Variants in ANKFN1 observed in about 807,000 individuals in gnomAD.
The protein encoded by ANKFN1 is ankyrin repeat and fibronectin type-III domain-containing protein 1.
A neutral mutation model predicts 108.7 loss-of-function variants in ANKFN1; 74 were observed. The observed-to-expected ratio is 0.68, with a 90% CI of 0.56 to 0.83. The LOEUF is 0.83. ANKFN1 is among the 40% of genes least tolerant of loss of function. ANKFN1 has a pLI of 0.00. For synonymous variants in ANKFN1, 547 were observed against 516.2 expected (o/e 1.06, Z -0.81); for missense variants, 1,505 against 1,382.3 (o/e 1.09, Z -1.41).
chr17:56,338,418 T>C (rs1488115786), intron 4 of ANKFN1, among the ~76,000 whole-genome samples: 1 of 152,002 alleles, frequency 6.6e-6, no homozygotes, highest in Non-Finnish European at 1.5e-5. Context: ...AACCTGTACA[T>C]TGTGCACATG....
At chr17:56,142,408 T>A (rs1379629859) in intron 4 of ANKFN1, among the ~76,000 whole-genome samples, 1 of 152,052 alleles carries the variant, frequency 6.6e-6, no homozygotes, top group South Asian at 2.1e-4. Context: ...CCATGAAGAG[T>A]AAATCATTCC....
intron 1 of ANKFN1, among the ~76,000 whole-genome samples, chr17:56,210,334 C>T (rs1307268710): frequency 2.0e-5 from 3 of 152,246 alleles, no homozygotes; most frequent in South Asian, 4.2e-4. Context: ...ATGGTGATTG[C>T]ACTAATTTAC....
intron 1 of ANKFN1, among the ~76,000 whole-genome samples, chr17:56,178,332 G>A (rs753371216): frequency 2.6e-5 from 4 of 152,118 alleles, no homozygotes; most frequent in South Asian, 2.1e-4. Flanking sequence ...AATATGCCCC[G>A]CTATAAATCA....
chr17:56,377,075 A>G (rs1483720207), intron 8 of ANKFN1, among the ~76,000 whole-genome samples: 1 of 152,260 alleles, frequency 6.6e-6, no homozygotes, highest in African/African-American at 2.4e-5. Flanking sequence ...CTAATTGGTT[A>G]GAGGGAAAGT....
At chr17:56,305,975 G>A (rs1301766933) in intron 3 of ANKFN1, among the ~76,000 whole-genome samples, 1 of 152,070 alleles carries the variant, frequency 6.6e-6, no homozygotes, top group Admixed American at 6.5e-5. Flanking sequence ...ATTAGTATGG[G>A]TTAGTTTCTG....
intron 17 of ANKFN1, 32 bp from the exon 18 acceptor site, chr17:56,482,321 TCTC>T (rs1178357348): frequency 1.3e-6 from 2 of 1,533,758 alleles, no homozygotes; most frequent in South Asian, 2.6e-5. Flanking sequence ...ATGTTGTAAC[TCTC>T]CTATTTTTCC....
chr17:56,426,929 G>A (rs1252913858), intron 8 of ANKFN1, among the ~76,000 whole-genome samples: 2 of 152,198 alleles, frequency 1.3e-5, no homozygotes, highest in African/African-American at 2.4e-5. Flanking sequence ...GAAGCTTCTT[G>A]ACTTGATGGG....
At chr17:56,066,645 A>G (rs1365362951) in intron 4 of ANKFN1, among the ~76,000 whole-genome samples, 3 of 152,130 alleles carry the variant, frequency 2.0e-5, no homozygotes, top group Non-Finnish European at 2.9e-5. Context: ...TTAAGGTTCA[A>G]TAGTGTTAAG....
chr17:56,330,219 A>G (rs897470854), intron 4 of ANKFN1, among the ~76,000 whole-genome samples: 9 of 82,536 alleles, frequency 1.1e-4, no homozygotes, highest in Non-Finnish European at 2.8e-4. Flanking sequence ...ACAGTTCCAC[A>G]TGGCTGTGGA....
intron 4 of ANKFN1, among the ~76,000 whole-genome samples, chr17:56,331,375 C>T (rs1213775178): frequency 6.6e-6 from 1 of 152,180 alleles, no homozygotes; most frequent in African/African-American, 2.4e-5. Context: ...ATGGTTAGAA[C>T]TCCTATTTTG....
chr17:56,298,495 A>G (rs994313422), intron 3 of ANKFN1, among the ~76,000 whole-genome samples: 3 of 152,186 alleles, frequency 2.0e-5, no homozygotes, highest in Admixed American at 6.5e-5. Context: ...TTTCTTACAA[A>G]TCAACTTCCC....
At chr17:56,226,695 G>A (rs10491199) in intron 2 of ANKFN1, among the ~76,000 whole-genome samples, 31,411 of 151,944 alleles carry the variant, frequency 0.21, 3,362 homozygotes, top group African/African-American at 0.24. Flanking sequence ...CCTTCTGATA[G>A]TAATAATAAC....
chr17:56,361,285 C>T (rs568111442), intron 6 of ANKFN1, among the ~76,000 whole-genome samples: 49 of 152,214 alleles, frequency 3.2e-4, no homozygotes, highest in Non-Finnish European at 5.1e-4. Flanking sequence ...CTAATCCCCA[C>T]GTGCACACAC....
intron 1 of ANKFN1, among the ~76,000 whole-genome samples, chr17:56,181,932 CT>C (rs1911715306): frequency 6.6e-6 from 1 of 152,052 alleles, no homozygotes; most frequent in Non-Finnish European, 1.5e-5. Flanking sequence ...ATATTTCAAC[CT>C]TTTTTGCTAT....
intron 8 of ANKFN1, among the ~76,000 whole-genome samples, chr17:56,383,242 C>G (rs746424156): frequency 6.6e-6 from 1 of 151,986 alleles, no homozygotes; most frequent in Non-Finnish European, 1.5e-5. Context: ...GGGTACATAA[C>G]GAAATGAAGG....
chr17:56,067,325 T>TA (rs1480594389), intron 4 of ANKFN1, among the ~76,000 whole-genome samples: 1 of 152,244 alleles, frequency 6.6e-6, no homozygotes, highest in Non-Finnish European at 1.5e-5. Flanking sequence ...CTGTGTTTAT[T>TA]ACAATATTTA....
chr17:56,273,018 G>A (rs796619974), intron 3 of ANKFN1, among the ~76,000 whole-genome samples: 9 of 152,290 alleles, frequency 5.9e-5, no homozygotes, highest in Non-Finnish European at 1.2e-4. Flanking sequence ...AGCTGTTAGT[G>A]CATCTTAACA....
intron 4 of ANKFN1, among the ~76,000 whole-genome samples, chr17:56,138,422 A>G (rs936001506): frequency 6.6e-6 from 1 of 152,190 alleles, no homozygotes; most frequent in African/African-American, 2.4e-5. Flanking sequence ...GTACTCATAC[A>G]GCAGAGTGGG....
Position 56,456,955 on chromosome 17 carries a change from A to C in ANKFN1, c.1302A>C (p.Leu434Phe). 1 of 1,613,308 alleles carries C rather than the reference A, an allele frequency of 6.2e-7. No individual in the cohort carries two copies. Among genetic ancestry groups the C allele is most frequent in the South Asian group, 1.1e-5 (1 of 91,050 alleles). The change falls in exon 12 of 21, where the codon TTA (leucine) becomes TTC (phenylalanine). Residue 434 changes from leucine (L) to phenylalanine (F), a missense_variant. Coordinates refer to ENST00000682825, the MANE Select transcript of ANKFN1 (RefSeq NM_001370326.1). ...CCTCGAACAAGTTTGTGAAGACCTT[A>C]AAACGGTGGGTTCTATGTAGTTTTT... ...FHSSNKFVKTLKRGLYIAVIF... is the reference protein window; with the variant it reads ...FHSSNKFVKTFKRGLYIAVIF...
Sources: gnomAD v4.1 joint callset for allele counts (sites outside exome capture counted in the v4.1 genomes callset) on GRCh38, gnomAD v4.1.1 for gene constraint, MANE v1.5 for transcripts, NCBI Gene and HGNC (gene_info 2026-07-23, HGNC 2026-07-21) for gene names.